Variants in CCDC81 observed in about 807,000 individuals in gnomAD.
CCDC81 encodes the protein coiled-coil domain-containing protein 81.
CCDC81 carries 79 observed loss-of-function variants against 83.7 expected under a neutral mutation model. That is an observed-to-expected ratio of 0.94 (90% CI 0.79 to 1.14). The LOEUF is 1.14. CCDC81 is among the 50% of genes most tolerant of loss of function. The pLI is 0.00. For missense variants in CCDC81, 791 were observed against 778.1 expected (o/e 1.02, Z -0.20); for synonymous variants, 252 against 278.1 (o/e 0.91, Z 0.93).
intron 4 of CCDC81, among the ~76,000 whole-genome samples, 193 bp downstream of exon 4, chr11:86,392,990 A>G (rs7118035): frequency 0.69 from 105,518 of 152,186 alleles, 36,982 homozygotes; most frequent in African/African-American, 0.8. Flanking sequence ...AACATTAAGA[A>G]TCAAAGTCAA....
intron 3 of CCDC81, among the ~76,000 whole-genome samples, chr11:86,391,350 A>T (rs921859236): frequency 6.6e-6 from 1 of 152,238 alleles, no homozygotes; most frequent in Admixed American, 6.5e-5. Context: ...GATATAACTC[A>T]TGCTTACTGA....
intron 1 of CCDC81, among the ~76,000 whole-genome samples, chr11:86,383,772 G>C (rs1220756876): frequency 2.0e-5 from 3 of 152,216 alleles, no homozygotes; most frequent in Non-Finnish European, 4.4e-5. Context: ...ATTACAGTCT[G>C]TAAGCTTTCC....
chr11:86,406,319 A>G (rs942860972), intron 7 of CCDC81, among the ~76,000 whole-genome samples: 5 of 152,062 alleles, frequency 3.3e-5, no homozygotes, highest in Non-Finnish European at 7.4e-5. Flanking sequence ...TCTTTCTTGT[A>G]GCTTTTAAGA....
In CCDC81 at chr11:86,422,726, T is replaced by C. The variant is rs773237436; in HGVS notation, c.*11T>C. The C allele has an allele frequency of 5.6e-6, 9 of 1,608,764 alleles. No individual in the cohort carries two copies. The highest frequency in any genetic ancestry group is 8.5e-7 in the Non-Finnish European group (1 of 1,176,204). On this transcript the variant is annotated 3_prime_UTR_variant, in exon 15 of 15. Transcript: ENST00000445632. ...CGGTTGCTTGTGTAAAACTCAAAGTTTGGCTCTTCGTTTCCCGGGGAAAGT... is the reference window on the plus strand; with the variant it reads ...CGGTTGCTTGTGTAAAACTCAAAGTCTGGCTCTTCGTTTCCCGGGGAAAGT...
chr11:86,386,065 T>TG lies in CCDC81; in HGVS notation c.99dup (p.Asn34GlufsTer32). On this transcript the variant is annotated frameshift_variant, in exon 2 of 15. Transcript: ENST00000445632. LOFTEE classifies it high-confidence loss of function. ...TTGAATTTCAGAAGTCTCTATTATC[T>TG]GGGGGAATGTATCAGAATTTGTGAG... The TG allele has an allele frequency of 1.3e-6, 2 of 1,526,566 alleles. No homozygotes were observed. Among genetic ancestry groups the TG allele is most frequent in the South Asian group, 1.2e-5 (1 of 81,344 alleles). 94.6% of individuals were successfully genotyped at this position (1,526,566 alleles called of 1,614,324 possible). A position where few individuals can be genotyped will look rare whatever the true frequency, so the allele number is the denominator to read the frequency against.
chr11:86,392,483 T>C (rs897763531), intron 3 of CCDC81, 58 bp from the exon 4 acceptor site: 19 of 1,518,062 alleles, frequency 1.3e-5, no homozygotes, highest in Admixed American at 4.2e-5. Flanking sequence ...GTGTATGATA[T>C]GTCCTTATGG....
At chr11:86,409,989 T>C (rs974706038) in intron 10 of CCDC81, among the ~76,000 whole-genome samples, 1 of 152,190 alleles carries the variant, frequency 6.6e-6, no homozygotes, top group African/African-American at 2.4e-5. Flanking sequence ...GAACCAGCAG[T>C]ATCAGCATTG....
rs1475268049 is a variant in CCDC81 at position 86,392,710 on chromosome 11, C to G, written c.468C>G (p.Ile156Met). 1 of 1,551,638 alleles carries G rather than the reference C, an allele frequency of 6.4e-7. No homozygotes were observed. Among genetic ancestry groups the G allele is most frequent in the South Asian group, 1.2e-5 (1 of 84,034 alleles). ...FTFKGIGVLM[I>M]RDSKVKMRFY... ...TCAAAGGAATTGGGGTCCTCATGAT[C>G]AGAGACAGCAAAGTGAAGATGAGGT... Residue 156 changes from isoleucine to methionine, a missense_variant, in exon 4 of 15, where the codon ATC becomes ATG. Physicochemically the swap from Ile to Met is conservative, Grantham distance 10. Coordinates refer to ENST00000445632, the MANE Select transcript of CCDC81 (RefSeq NM_001156474.2).
chr11:86,412,296 G>A (rs577859957), intron 10 of CCDC81, 91 bp from the exon 11 acceptor site: 1 of 1,051,750 alleles, frequency 9.5e-7, no homozygotes, highest in Admixed American at 2.4e-5. Context: ...TATAAATTAA[G>A]AAATACTTTC....
In CCDC81 at chr11:86,395,323, C is replaced by T; in HGVS notation, c.556-11C>T. The T allele has an allele frequency of 6.2e-7, 1 of 1,612,870 alleles. No individual in the cohort carries two copies. ...GCCTAGATGTAACCTTGCTCTGTTG[C>T]TGTCCTCTAGAGGCCTGGCACTGTG... On this transcript the variant is annotated splice_polypyrimidine_tract_variant and intron_variant, in intron 4 of 14. Coordinates refer to ENST00000445632, the MANE Select transcript of CCDC81 (RefSeq NM_001156474.2).
At chr11:86,375,302 G>T in intron 1 of CCDC81, 60 bp downstream of exon 1, 1 of 1,445,684 alleles carries the variant, frequency 6.9e-7, no homozygotes, top group African/African-American at 1.4e-5. Flanking sequence ...TGCTTGCAGG[G>T]GAGGCGGGGG....
At chr11:86,384,488 T>C (rs1009863228) in intron 1 of CCDC81, among the ~76,000 whole-genome samples, 2 of 152,194 alleles carry the variant, frequency 1.3e-5, no homozygotes, top group Non-Finnish European at 2.9e-5. Flanking sequence ...CAGATAGTCA[T>C]AAAAGTCATT....
At chr11:86,380,431 CT>C (rs989656163) in intron 1 of CCDC81, among the ~76,000 whole-genome samples, 1 of 152,032 alleles carries the variant, frequency 6.6e-6, no homozygotes, top group East Asian at 1.9e-4. Context: ...TCCTAGGTAT[CT>C]TTTTTTGGGT....
chr11:86,400,514 G>C (rs574434793), intron 6 of CCDC81, among the ~76,000 whole-genome samples, 164 bp from the exon 7 acceptor site: 1 of 152,138 alleles, frequency 6.6e-6, no homozygotes, highest in Non-Finnish European at 1.5e-5. Flanking sequence ...CTTTCTTTGC[G>C]AATATACAGC....
At chr11:86,377,951 A>T (rs536194664) in intron 1 of CCDC81, among the ~76,000 whole-genome samples, 16 of 130,228 alleles carry the variant, frequency 1.2e-4, no homozygotes, top group Admixed American at 7.9e-5. Flanking sequence ...GAAAGGTGTA[A>T]GGTCTGTGCC....
rs1382479268 is a variant in CCDC81 at position 86,412,432 on chromosome 11, G to A, written c.1264G>A (p.Ala422Thr). 3 of 1,612,846 alleles carry A rather than the reference G, an allele frequency of 1.9e-6. No homozygotes were observed. In the African/African-American group the frequency reaches 4.0e-5, roughly 22 times the overall value. The change falls in exon 11 of 15, where the codon GCT becomes ACT. Residue 422 changes from alanine to threonine, a missense_variant. By Grantham distance (58) the Ala-to-Thr change is moderately conservative. Coordinates refer to ENST00000445632, the MANE Select transcript of CCDC81 (RefSeq NM_001156474.2). ...DKRPLSPALN[A>T]LKQEEYSRSL... The stretch of plus-strand genomic sequence containing the variant: ...ACGGCCACTCAGTCCTGCGCTTAAT[G>A]CTCTTAAGCAAGAGGAATATTCCCG...
chr11:86,413,068 G>A (rs1305602591), intron 11 of CCDC81, among the ~76,000 whole-genome samples: 1 of 152,180 alleles, frequency 6.6e-6, no homozygotes, highest in Non-Finnish European at 1.5e-5. Context: ...TTGAGTGGAA[G>A]TAGCTTTCAA....
rs572053506 is a variant in CCDC81, at chr11:86,406,669, G to A, written c.882-945G>A. Among the ~76,000 whole-genome samples the A allele has an allele frequency of 5.3e-5, 8 of 152,124 alleles. No individual in the cohort carries two copies. In the East Asian group the frequency reaches 1.5e-3, roughly 29 times the overall value. ...AAAATACAAAAATTAGCCCAGCATG[G>A]TGGTGTGCACCTGTAATCCCAGCTA... On this transcript the variant is annotated intron_variant, in intron 7 of 14. Coordinates refer to ENST00000445632, the MANE Select transcript of CCDC81 (RefSeq NM_001156474.2).
intron 14 of CCDC81, among the ~76,000 whole-genome samples, chr11:86,420,730 T>C (rs1021735838): frequency 6.6e-6 from 1 of 152,244 alleles, no homozygotes; most frequent in Non-Finnish European, 1.5e-5. Flanking sequence ...GAATGGATCT[T>C]GATCTGTAAC....
Sources: gnomAD v4.1 joint callset for allele counts (sites outside exome capture counted in the v4.1 genomes callset) on GRCh38, gnomAD v4.1.1 for gene constraint, MANE v1.5 for transcripts, NCBI Gene and HGNC (gene_info 2026-07-23, HGNC 2026-07-21) for gene names.